The following SYMPK variants were observed in gnomAD, a reference collection of about 807,000 sequenced individuals.
SYMPK encodes the protein symplekin.
A neutral mutation model predicts 136.4 loss-of-function variants in SYMPK; 49 were observed. The ratio of observed to expected loss-of-function variants is 0.36; its 90% confidence interval spans 0.29 to 0.46. SYMPK has a LOEUF of 0.46. Ranked by LOEUF, SYMPK falls within the 20% of genes least tolerant of loss-of-function variation. SYMPK has a pLI of 1.00. For missense variants in SYMPK, 1,365 were observed against 1,690.0 expected (o/e 0.81, Z 3.37); for synonymous variants, 766 against 713.0 (o/e 1.07, Z -1.19).
At chr19:45,845,761 T>C (rs80232407) in intron 7 of SYMPK, among the ~76,000 whole-genome samples, 19,148 of 152,194 alleles carry the variant, frequency 0.13, 1,423 homozygotes, top group South Asian at 0.18. Flanking sequence ...TTTTAATTTT[T>C]TGAGGAACCT....
intron 1 of SYMPK, chr19:45,862,656 G>C (rs917940416): frequency 6.0e-6 from 1 of 167,134 alleles, no homozygotes; most frequent in Non-Finnish European, 1.3e-5. Flanking sequence ...AGTGACGTTG[G>C]TGCCGAGACC....
rs912320433 is a variant in SYMPK at position 45,863,135 on chromosome 19, T to G, written c.-90A>C. 4.9e-6 allele frequency: 2 copies of G among 406,238 alleles called. No homozygotes were observed. Among genetic ancestry groups the G allele is most frequent in the Non-Finnish European group, 8.7e-6 (2 of 230,926 alleles). The allele number at this position is 406,238 out of a possible 1,614,324, so 25.2% of individuals were successfully genotyped here. On this transcript the variant is annotated 5_prime_UTR_variant, in exon 1 of 27. The change abolishes an upstream ATG in the 5' untranslated region. Transcript: ENST00000245934. ...CACTCCGCCGCCGCCGCCGCCGCCATCTTCCGTTCGTCGCCGGGAACGGTG... is the reference window on the plus strand; with the variant it reads ...CACTCCGCCGCCGCCGCCGCCGCCAGCTTCCGTTCGTCGCCGGGAACGGTG...
chr19:45,857,152 T>C (rs908196556), intron 1 of SYMPK, among the ~76,000 whole-genome samples: 18 of 151,570 alleles, frequency 1.2e-4, no homozygotes, highest in Non-Finnish European at 2.1e-4. Flanking sequence ...CTCACACGTG[T>C]AATCCCAGCA....
intron 8 of SYMPK, 71 bp downstream of exon 8, chr19:45,843,959 A>G: frequency 3.8e-6 from 4 of 1,047,818 alleles, no homozygotes; most frequent in East Asian, 4.0e-5. Context: ...AAAAAAAAAA[A>G]AAAAAAAAAA....
chr19:45,835,249 G>A, intron 10 of SYMPK, 21 bp from the exon 11 acceptor site: 1 of 1,552,694 alleles, frequency 6.4e-7, no homozygotes, highest in Non-Finnish European at 8.7e-7. Flanking sequence ...CCCAGGAAGA[G>A]AGCCTCTCCT....
chr19:45,835,284 T>C, intron 10 of SYMPK, 56 bp from the exon 11 acceptor site: 1 of 1,501,220 alleles, frequency 6.7e-7, no homozygotes. Context: ...AGAAGCATTC[T>C]TTCCATGCCC....
Position 45,847,781 on chromosome 19 carries a change from A to G in SYMPK, c.647T>C (p.Ile216Thr), listed in dbSNP as rs190807637. Residue 216 changes from isoleucine (I) to threonine (T), a missense_variant, in exon 7 of 27, where the codon ATC (isoleucine) becomes ACC (threonine). Around this residue, in one of 11 missense-constraint regions of SYMPK, gnomAD observed 237 missense variants for 292.9 expected, o/e 0.81. Transcript: ENST00000245934. ...RQEHDISLDRIPRDHPYIQYN... is the reference protein window; with the variant it reads ...RQEHDISLDRTPRDHPYIQYN... Reference sequence around the variant, plus strand: ...CTGGATGTAGGGGTGGTCACGAGGGATGCGGTCCAGGCTGATATCATGCTC... The same window carrying G: ...CTGGATGTAGGGGTGGTCACGAGGGGTGCGGTCCAGGCTGATATCATGCTC... 1 of 1,613,824 alleles carries G rather than the reference A, an allele frequency of 6.2e-7. No individual in the cohort carries two copies. The highest frequency in any genetic ancestry group is 2.2e-5 in the East Asian group (1 of 44,888).
rs151283297 is a variant in SYMPK, at chr19:45,827,618, G to A, written c.2073C>T (p.Arg691=). 2.4e-5 allele frequency: 38 copies of A among 1,613,896 alleles called. No homozygotes were observed. The African/African-American group carries it at 4.8e-4, about 20-fold the overall frequency. ...VVRKYCEDES[R]TYLGMSTLRD... is the part of the protein sequence containing the mutation. ...GAAGTGTGGACATGCCCAGATAGGT[G>A]CGACTCTGCAGCAAAAGGAAAGGGA... is the stretch of plus-strand genomic sequence containing the variant. The change falls in exon 16 of 27, where the codon CGC becomes CGT. Residue 691 remains arginine, a synonymous_variant. Transcript: ENST00000245934.
Position 45,815,525 on chromosome 19 carries a change from G to T in SYMPK, c.*35C>A. 2.3e-6 allele frequency: 3 copies of T among 1,290,922 alleles called. No individual in the cohort carries two copies. The highest frequency in any genetic ancestry group is 1.5e-5 in the South Asian group (1 of 68,896). 80.0% of individuals were successfully genotyped at this position (1,290,922 alleles called of 1,614,324 possible). ...GCCCCGCCCCGTCCCCCAGCCCCGAGTCCCTGTCCCACCCCCTTTCCCCCT... is the reference window on the plus strand; with the variant it reads ...GCCCCGCCCCGTCCCCCAGCCCCGATTCCCTGTCCCACCCCCTTTCCCCCT... On this transcript the variant is annotated 3_prime_UTR_variant, in exon 27 of 27. Coordinates refer to ENST00000245934, the MANE Select transcript of SYMPK (RefSeq NM_004819.3).
chr19:45,831,596 G>A lies in SYMPK; in HGVS notation c.1394-8C>T. On this transcript the variant is annotated splice_polypyrimidine_tract_variant and splice_region_variant and intron_variant, in intron 11 of 26. Transcript: ENST00000245934. ...GTTTGGTCTGCTCTACACCTGAGGG[G>A]GAGGCAGCAAACAGACACCCAGTGC... 1 of 1,576,738 alleles carries A rather than the reference G, an allele frequency of 6.3e-7. No individual in the cohort carries two copies. Among genetic ancestry groups the A allele is most frequent in the African/African-American group, 1.4e-5 (1 of 73,870 alleles).
intron 10 of SYMPK, among the ~76,000 whole-genome samples, chr19:45,836,563 G>A (rs981185880): frequency 1.3e-5 from 2 of 151,668 alleles, no homozygotes; most frequent in African/African-American, 4.8e-5. Flanking sequence ...CCCGGGAGGC[G>A]GAGCTTACAG....
Position 45,821,370 on chromosome 19 carries a change from G to A in SYMPK, c.2893+14C>T. 1 of 1,608,258 alleles carries A rather than the reference G, an allele frequency of 6.2e-7. No homozygotes were observed. On this transcript the variant is annotated intron_variant, in intron 22 of 26. Coordinates refer to ENST00000245934, the MANE Select transcript of SYMPK (RefSeq NM_004819.3). The surrounding 1 kb of genome is among the most constrained non-coding windows in gnomAD (Gnocchi z 4.4). ...CAGGGGCCAGGCCACTGGAGTGGGG[G>A]GGAAGCGCCTCACCTTTGATGATGG...
intron 9 of SYMPK, among the ~76,000 whole-genome samples, chr19:45,839,927 C>T (rs907926389): frequency 6.6e-6 from 1 of 152,136 alleles, no homozygotes; most frequent in Admixed American, 6.6e-5. Context: ...ATATCTCCCC[C>T]AGCTTATTAC....
chr19:45,842,082 C>A (rs932717792), intron 9 of SYMPK, among the ~76,000 whole-genome samples, 168 bp downstream of exon 9: 1 of 151,942 alleles, frequency 6.6e-6, no homozygotes, highest in African/African-American at 2.4e-5. Flanking sequence ...GTGATCTGCC[C>A]GCCTCAGCTT....
At chr19:45,827,692 C>G in intron 15 of SYMPK, 69 bp from the exon 16 acceptor site, 4 of 1,526,958 alleles carry the variant, frequency 2.6e-6, no homozygotes, top group Non-Finnish European at 3.6e-6. Flanking sequence ...TCTTTCCTGC[C>G]TGCCTCTGAT....
In SYMPK at chr19:45,816,150, G is replaced by C. The variant is rs1018124221; in HGVS notation, c.3388C>G (p.Pro1130Ala). 1 of 1,547,580 alleles carries C rather than the reference G, an allele frequency of 6.5e-7. No individual in the cohort carries two copies. Among genetic ancestry groups the C allele is most frequent in the African/African-American group, 1.4e-5 (1 of 73,516 alleles). ...AGGTCCTGAGGGGGCCGGGGTGCTG[G>C]GGCCGGGGCCAAGGTCAGGGGCTCC... ...DLEPLTLAPA[P>A]APRPPQDLIG... The change falls in exon 26 of 27, where the codon CCA becomes GCA. Residue 1130 changes from proline to alanine, a missense_variant. Coordinates refer to ENST00000245934, the MANE Select transcript of SYMPK (RefSeq NM_004819.3).
chr19:45,815,871 G>A lies in SYMPK; in HGVS notation c.3667C>T (p.Leu1223Phe). 1 of 1,611,722 alleles carries A rather than the reference G, an allele frequency of 6.2e-7. No homozygotes were observed. Among genetic ancestry groups the A allele is most frequent in the South Asian group, 1.1e-5 (1 of 90,970 alleles). Residue 1223 changes from leucine to phenylalanine, a missense_variant, in exon 26 of 27, where the codon CTC becomes TTC. Physicochemically the swap from Leu to Phe is conservative, Grantham distance 22 (BLOSUM62 0). Around this residue, in one of 11 missense-constraint regions of SYMPK, gnomAD observed 341 missense variants for 270.5 expected, o/e 1.26. Coordinates refer to ENST00000245934, the MANE Select transcript of SYMPK (RefSeq NM_004819.3). ...LTEAALLDSS[L>F]EGPLPKETAA... is the part of the protein sequence containing the mutation. The stretch of plus-strand genomic sequence containing the variant: ...CCTACCTTGGGTAGGGGGCCCTCGA[G>A]ACTAGAGTCCAACAGCGCGGCCTCG...
intron 10 of SYMPK, among the ~76,000 whole-genome samples, chr19:45,838,041 C>T (rs535896420): frequency 2.0e-5 from 3 of 152,126 alleles, no homozygotes; most frequent in Admixed American, 2.0e-4. Context: ...ATTACAATCC[C>T]CGATGTGGGA....
chr19:45,828,872 G>A, intron 14 of SYMPK, 98 bp downstream of exon 14: 1 of 1,189,226 alleles, frequency 8.4e-7, no homozygotes, highest in South Asian at 1.4e-5. Flanking sequence ...CTGACTCGGG[G>A]GGTGACGAAG....
Sources: gnomAD v4.1 joint callset for allele counts (sites outside exome capture counted in the v4.1 genomes callset) on GRCh38, gnomAD v4.1.1 for gene constraint, gnomAD v4.1.1 regional missense constraint, Gnocchi (gnomAD v3.1) non-coding constraint, MANE v1.5 for transcripts, NCBI Gene and HGNC (gene_info 2026-07-23, HGNC 2026-07-21) for gene names.